The following CIAPIN1 variants were observed in gnomAD, a reference collection of about 807,000 sequenced individuals.
The protein encoded by CIAPIN1 is cytokine induced apoptosis inhibitor 1.
A neutral mutation model predicts 34.3 loss-of-function variants in CIAPIN1; 18 were observed. That is an observed-to-expected ratio of 0.52 (90% CI 0.36 to 0.78). CIAPIN1 has a LOEUF of 0.78. Ranked by LOEUF, CIAPIN1 falls within the 30% of genes least tolerant of loss-of-function variation. CIAPIN1 has a pLI of 0.00. For synonymous variants in CIAPIN1, 131 were observed against 140.4 expected (o/e 0.93, Z 0.47); for missense variants, 310 against 372.5 (o/e 0.83, Z 1.38).
At chr16:57,439,746 T>C (rs2146568110) in intron 2 of CIAPIN1, among the ~76,000 whole-genome samples, 1 of 152,366 alleles carries the variant, frequency 6.6e-6, no homozygotes, top group South Asian at 2.1e-4. Flanking sequence ...ACTTCCTCAG[T>C]CAATACTCTT....
At position 57,439,197 on chromosome 16, in the gene CIAPIN1, C is replaced by T. The variant is rs1267687279; in HGVS notation, c.295G>A (p.Val99Ile). 6.2e-7 allele frequency: 1 copy of T among 1,613,796 alleles called. No homozygotes were observed. Among genetic ancestry groups the T allele is most frequent in the South Asian group, 1.1e-5 (1 of 91,068 alleles). The change falls in exon 3 of 9, where the codon GTA becomes ATA. Residue 99 changes from valine to isoleucine, a missense_variant. Transcript: ENST00000394391. ...ATCTCCTTACCTACAGCTGTCTCTA[C>T]TGGCTCCTTCAGAAAAAGACATCCA... ...PGGCLFLKEP[V>I]ETAVDNNSKV...
chr16:57,430,521 G>A, intron 7 of CIAPIN1, 182 bp from the exon 8 acceptor site: 2 of 613,376 alleles, frequency 3.3e-6, no homozygotes, highest in Non-Finnish European at 5.8e-6. Flanking sequence ...AGTGGGAGGA[G>A]GATGAGGGAA....
chr16:57,446,582 C>A (rs780161330), intron 1 of CIAPIN1, among the ~76,000 whole-genome samples: 35 of 152,124 alleles, frequency 2.3e-4, no homozygotes, highest in Non-Finnish European at 4.4e-5. Context: ...CTGATGACAC[C>A]CCCGTGAAGT....
chr16:57,428,337 T>C lies in CIAPIN1; in HGVS notation c.*833A>G, dbSNP rs1212916367. 5 of 152,208 alleles carry C rather than the reference T, an allele frequency of 3.3e-5. No individual in the cohort carries two copies. The highest frequency in any genetic ancestry group is 7.3e-5 in the Non-Finnish European group (5 of 68,044). The allele number at this position is 152,208 out of a possible 1,614,324, so 9.4% of individuals were successfully genotyped here. ...GGTCTCTGCTCAGAGAGACGTATTG[T>C]CGTTCAGAGTTCTGCCCTGCTTCCC... On this transcript the variant is annotated 3_prime_UTR_variant, in exon 9 of 9. Coordinates refer to ENST00000394391, the MANE Select transcript of CIAPIN1 (RefSeq NM_020313.4).
intron 4 of CIAPIN1, among the ~76,000 whole-genome samples, chr16:57,436,242 T>G (rs188653295): frequency 3.0e-3 from 464 of 152,310 alleles, no homozygotes; most frequent in African/African-American, 0.011. Flanking sequence ...GTTTTGTTTT[T>G]TTTGAGACAG....
intron 3 of CIAPIN1, among the ~76,000 whole-genome samples, chr16:57,438,349 T>C (rs1386269526): frequency 6.6e-6 from 1 of 152,170 alleles, no homozygotes; most frequent in Non-Finnish European, 1.5e-5. Flanking sequence ...AATTACCACA[T>C]CATTCCCAGG....
chr16:57,435,530 C>T (rs748357202), intron 4 of CIAPIN1, among the ~76,000 whole-genome samples: 5 of 152,062 alleles, frequency 3.3e-5, no homozygotes, highest in Non-Finnish European at 5.9e-5. Context: ...GCCTGGCTCA[C>T]GCCTGTAATA....
chr16:57,441,021 T>G (rs1342597194), intron 1 of CIAPIN1, 38 bp from the exon 2 acceptor site: 1 of 1,344,024 alleles, frequency 7.4e-7, no homozygotes, highest in South Asian at 1.3e-5. Context: ...CTGTGAGATA[T>G]CATAAAATAT....
At chr16:57,430,112 C>T in intron 8 of CIAPIN1, 146 bp downstream of exon 8, 6 of 678,454 alleles carry the variant, frequency 8.8e-6, no homozygotes, top group South Asian at 8.8e-5. Flanking sequence ...GAGACAGCCT[C>T]TCTCCCCATT....
rs142911984 is a variant in CIAPIN1 at position 57,440,934 on chromosome 16, CAGTGCAGT to C, written c.-14_-7del. The C allele has an allele frequency of 0.031, 49,898 of 1,610,686 alleles. 1,214 individuals carry two copies. The highest frequency in any genetic ancestry group is 0.098 in the East Asian group (4,383 of 44,796). ...GAGATCCCAAAATCTGCCATTCTTG[CAGTGCAGT>C]ACTGACAGACCTAAAAACTGCTGGC... On this transcript the variant is annotated 5_prime_UTR_variant, in exon 2 of 9. Transcript: ENST00000394391.
rs2146552107 is a variant in CIAPIN1 at position 57,429,123 on chromosome 16, G to A, written c.*47C>T. The stretch of plus-strand genomic sequence containing the variant: ...GGAGCCACCATGGTGGGATGTGAGG[G>A]ACAGGAGTTGGCTGGAGGAGCAGAT... On this transcript the variant is annotated 3_prime_UTR_variant, in exon 9 of 9. Coordinates refer to ENST00000394391, the MANE Select transcript of CIAPIN1 (RefSeq NM_020313.4). 1 of 1,305,990 alleles carries A rather than the reference G, an allele frequency of 7.7e-7. No homozygotes were observed. The highest frequency in any genetic ancestry group is 1.1e-6 in the Non-Finnish European group (1 of 901,812). 80.9% of individuals were successfully genotyped at this position (1,305,990 alleles called of 1,614,324 possible).
intron 7 of CIAPIN1, among the ~76,000 whole-genome samples, chr16:57,430,911 C>G (rs1011229684): frequency 6.6e-5 from 10 of 151,968 alleles, no homozygotes; most frequent in African/African-American, 2.4e-4. Context: ...CGGCTCACTG[C>G]AGCCTCGACC....
Position 57,430,335 on chromosome 16 carries a change from A to T in CIAPIN1, c.751T>A (p.Cys251Ser). 1 of 1,614,186 alleles carries T rather than the reference A, an allele frequency of 6.2e-7. No homozygotes were observed. Among genetic ancestry groups the T allele is most frequent in the Non-Finnish European group, 8.5e-7 (1 of 1,179,984 alleles). Residue 251 changes from cysteine (C) to serine (S), a missense_variant, in exon 8 of 9, where the codon TGT (cysteine) becomes AGT (serine). By Grantham distance (112) the Cys-to-Ser change is moderately radical (BLOSUM62 -1). Transcript: ENST00000394391. ...TTTTCCAGTTCTTCGGCAAGGCCACAGGTGCTGCGGGAAAATCAGTAACTA... is the reference window on the plus strand; with the variant it reads ...TTTTCCAGTTCTTCGGCAAGGCCACTGGTGCTGCGGGAAAATCAGTAACTA... ...KKRKACKNCT[C>S]GLAEELEKEK...
rs1162307259 is a variant in CIAPIN1, at chr16:57,447,342, C to G, written c.-56G>C. ...CTCAGCTGGCCCCCACCACTCTCAC[C>G]TGCCGCCTGGGCTCGCTCCCGGCTT... On this transcript the variant is annotated splice_region_variant and 5_prime_UTR_variant, in exon 1 of 9. Transcript: ENST00000394391. 1.7e-6 allele frequency: 1 copy of G among 582,630 alleles called. No individual in the cohort carries two copies. The highest frequency in any genetic ancestry group is 2.5e-6 in the Non-Finnish European group (1 of 394,784). The allele number at this position is 582,630 out of a possible 1,614,324, so 36.1% of individuals were successfully genotyped here. A position where few individuals can be genotyped will look rare whatever the true frequency, so the allele number is the denominator to read the frequency against.
chr16:57,432,294 G>A (rs1903104984), intron 6 of CIAPIN1, among the ~76,000 whole-genome samples, 193 bp downstream of exon 6: 1 of 151,662 alleles, frequency 6.6e-6, no homozygotes, highest in Admixed American at 6.6e-5. Context: ...GCTTGGGCAA[G>A]AGAGCGAGAC....
rs537696105 is a variant in CIAPIN1 at position 57,446,305 on chromosome 16, G to A, written c.-56+1037C>T. 2.6e-5 allele frequency among the ~76,000 whole-genome samples: 4 copies of A among 152,320 alleles called. No homozygotes were observed. The East Asian group carries it at 7.7e-4, about 29-fold the overall frequency. ...GAACTCAGAAACAAATCCTTATGGAGAGGAGTGTTTTACCTAAAACCAGAA... is the reference window on the plus strand; with the variant it reads ...GAACTCAGAAACAAATCCTTATGGAAAGGAGTGTTTTACCTAAAACCAGAA... On this transcript the variant is annotated intron_variant, in intron 1 of 8. Coordinates refer to ENST00000394391, the MANE Select transcript of CIAPIN1 (RefSeq NM_020313.4).
At chr16:57,438,536 C>A (rs1170546181) in intron 3 of CIAPIN1, among the ~76,000 whole-genome samples, 2 of 152,136 alleles carry the variant, frequency 1.3e-5, no homozygotes, top group Admixed American at 6.5e-5. Flanking sequence ...ATTGATGGTC[C>A]ACATAACTTT....
At chr16:57,445,844 T>G (rs1397181917) in intron 1 of CIAPIN1, among the ~76,000 whole-genome samples, 4 of 132,040 alleles carry the variant, frequency 3.0e-5, no homozygotes, top group East Asian at 4.4e-4. Flanking sequence ...GTTTTTTTTT[T>G]TTTTTTTTTT....
Position 57,445,491 on chromosome 16 carries a change from G to T in CIAPIN1, c.-56+1851C>A, listed in dbSNP as rs568574756. On this transcript the variant is annotated intron_variant, in intron 1 of 8. Coordinates refer to ENST00000394391, the MANE Select transcript of CIAPIN1 (RefSeq NM_020313.4). ...CCACTGCACTCCAGCCAGGGAGACA[G>T]AGTGAGACTCCATCTCAAAATAAAA... Among the ~76,000 whole-genome samples the T allele has an allele frequency of 7.2e-5, 11 of 152,258 alleles. No individual in the cohort carries two copies. In the East Asian group the frequency reaches 1.7e-3, roughly 24 times the overall value.
Sources: gnomAD v4.1 joint callset for allele counts (sites outside exome capture counted in the v4.1 genomes callset) on GRCh38, gnomAD v4.1.1 for gene constraint, MANE v1.5 for transcripts, NCBI Gene and HGNC (gene_info 2026-07-23, HGNC 2026-07-21) for gene names.